DNAI3: variants seen among roughly 807,000 people sequenced by gnomAD.
DNAI3 encodes dynein axonemal intermediate chain 3, also known as WD repeat domain 63.
Under a neutral mutation model 115.5 loss-of-function variants are expected in DNAI3, and 83 were observed. That is an observed-to-expected ratio of 0.72 (90% CI 0.60 to 0.86). The LOEUF (loss-of-function observed/expected upper bound fraction) is 0.86. DNAI3 is among the 40% of genes least tolerant of loss of function. The pLI is 0.00. For missense variants in DNAI3, 1,004 were observed against 1,075.8 expected (o/e 0.93, Z 0.93); for synonymous variants, 320 against 347.0 (o/e 0.92, Z 0.86).
intron 16 of DNAI3, among the ~76,000 whole-genome samples, chr1:85,113,174 T>C (rs144809308): frequency 1.4e-3 from 207 of 152,374 alleles, no homozygotes; most frequent in African/African-American, 4.6e-3. Flanking sequence ...TCTCCTAGTC[T>C]GTGATTTGTT....
In DNAI3 at chr1:85,131,655, T is replaced by G. The variant is rs145144356; in HGVS notation, c.2533-1200T>G. Among the ~76,000 whole-genome samples, 979 of 152,232 alleles carry G rather than the reference T, an allele frequency of 6.4e-3. 9 individuals carry two copies. The highest frequency in any genetic ancestry group is 0.013 in the Admixed American group (205 of 15,282). ...CATTCCACTGCTACAAACAAATTGA[T>G]CTTAGTTTTGTTCTTTTGCACTTAA... On this transcript the variant is annotated intron_variant, in intron 22 of 22. Transcript: ENST00000294664.
intron 5 of DNAI3, among the ~76,000 whole-genome samples, chr1:85,082,911 G>A (rs367892999): frequency 3.9e-5 from 6 of 152,218 alleles, no homozygotes; most frequent in South Asian, 4.2e-4. Context: ...TCTTCTTGCC[G>A]TCTCCACAAC....
chr1:85,096,033 A>T lies in DNAI3; in HGVS notation c.1263+13A>T. On this transcript the variant is annotated intron_variant, in intron 11 of 22. Transcript: ENST00000294664. Reference sequence around the variant, plus strand: ...TATCAATGGGCAGGTACTTAACAGAATTTTTTTCAGCTATGTATTAATGTA... The same window carrying T: ...TATCAATGGGCAGGTACTTAACAGATTTTTTTTCAGCTATGTATTAATGTA... 1 of 1,612,166 alleles carries T rather than the reference A, an allele frequency of 6.2e-7. No individual in the cohort carries two copies. The highest frequency in any genetic ancestry group is 8.5e-7 in the Non-Finnish European group (1 of 1,178,670).
At chr1:85,079,912 A>C (rs1465232637) in intron 3 of DNAI3, among the ~76,000 whole-genome samples, 1 of 152,124 alleles carries the variant, frequency 6.6e-6, no homozygotes, top group African/African-American at 2.4e-5. Flanking sequence ...TTATTAATAC[A>C]ACCAACTGAG....
At chr1:85,104,136 T>G (rs1320731723) in intron 13 of DNAI3, among the ~76,000 whole-genome samples, 6,256 of 147,404 alleles carry the variant, frequency 0.042, 138 homozygotes, top group African/African-American at 0.079. Context: ...TTTTTTTTTT[T>G]TTGGGCTGGA....
intron 2 of DNAI3, among the ~76,000 whole-genome samples, chr1:85,072,797 T>C (rs1362394010): frequency 1.3e-5 from 2 of 149,740 alleles, no homozygotes; most frequent in Non-Finnish European, 3.0e-5. Flanking sequence ...CTACTAAAAA[T>C]ACAAAAAATT....
chr1:85,084,747 C>A (rs1412796568), intron 6 of DNAI3, 52 bp downstream of exon 6: 2 of 1,331,720 alleles, frequency 1.5e-6, no homozygotes, highest in African/African-American at 1.5e-5. Flanking sequence ...AGCTGAACAA[C>A]ACTTATTCCT....
intron 11 of DNAI3, among the ~76,000 whole-genome samples, chr1:85,097,083 T>G (rs1211643115): frequency 6.6e-6 from 1 of 152,146 alleles, no homozygotes; most frequent in Non-Finnish European, 1.5e-5. Flanking sequence ...TATCCTGACT[T>G]GTTTTTAAAA....
chr1:85,112,334 T>G (rs995215435), intron 16 of DNAI3, among the ~76,000 whole-genome samples: 3 of 152,248 alleles, frequency 2.0e-5, no homozygotes, highest in African/African-American at 7.2e-5. Context: ...GTTTATCCAT[T>G]CACCTGTTGA....
chr1:85,082,202 T>G, intron 4 of DNAI3, 98 bp from the exon 5 acceptor site: 1 of 924,658 alleles, frequency 1.1e-6, no homozygotes, highest in South Asian at 1.6e-5. Context: ...TTATCTTCTA[T>G]AATTGGTTGA....
chr1:85,114,232 C>T lies in DNAI3; in HGVS notation c.1787-3497C>T, dbSNP rs933371989. Among the ~76,000 whole-genome samples the T allele has an allele frequency of 2.6e-5, 4 of 152,072 alleles. No homozygotes were observed. In the East Asian group the frequency reaches 7.7e-4, roughly 29 times the overall value. On this transcript the variant is annotated intron_variant, in intron 16 of 22. Coordinates refer to ENST00000294664, the MANE Select transcript of DNAI3 (RefSeq NM_145172.5). ...TTCACCATGTTGGCCAGGCTGGTCT[C>T]GAACTCTTGACCTCAGGTAATCCAC...
intron 1 of DNAI3, among the ~76,000 whole-genome samples, chr1:85,067,048 G>A (rs986277534): frequency 1.3e-5 from 2 of 152,128 alleles, no homozygotes; most frequent in African/African-American, 4.8e-5. Context: ...AAAATAAACT[G>A]CAAAATTTTG....
chr1:85,122,200 A>G (rs190954783), intron 18 of DNAI3, among the ~76,000 whole-genome samples: 5 of 152,248 alleles, frequency 3.3e-5, no homozygotes, highest in Admixed American at 2.6e-4. Context: ...TAGTTCATCT[A>G]TGTGGAAAAT....
chr1:85,132,950 T>G lies in DNAI3; in HGVS notation c.2628T>G (p.Leu876=). Residue 876 remains leucine (L), a synonymous_variant, in exon 23 of 23, where the codon CTT becomes CTG. Transcript: ENST00000294664. ...LELEKTVLIN[L]GLIKVTEKGS... is the part of the protein sequence containing the mutation. ...TGGAAAAGACTGTTCTTATCAACCT[T>G]GGCCTAATCAAAGTCACAGAGAAGG... 6.2e-7 allele frequency: 1 copy of G among 1,613,950 alleles called. No homozygotes were observed. The highest frequency in any genetic ancestry group is 8.5e-7 in the Non-Finnish European group (1 of 1,179,916).
At chr1:85,129,681 T>C (rs767883490) in intron 21 of DNAI3, among the ~76,000 whole-genome samples, 1 of 152,192 alleles carries the variant, frequency 6.6e-6, no homozygotes, top group South Asian at 2.1e-4. Context: ...AACCCTACTT[T>C]GGAAACCTCC....
chr1:85,123,084 C>A (rs1656035144), intron 18 of DNAI3, among the ~76,000 whole-genome samples: 2 of 152,212 alleles, frequency 1.3e-5, no homozygotes, highest in Admixed American at 6.5e-5. Flanking sequence ...CTGTCATTCT[C>A]AGCATTTCAT....
Position 85,095,954 on chromosome 1 carries a change from C to T in DNAI3, c.1197C>T (p.Asp399=). 2 of 1,613,960 alleles carry T rather than the reference C, an allele frequency of 1.2e-6. No individual in the cohort carries two copies. Among genetic ancestry groups the T allele is most frequent in the South Asian group, 2.2e-5 (2 of 91,086 alleles). Reference sequence around the variant, plus strand: ...AGTTAATGCTGGAGAGCCCAGATGACATCTTCTGCTTCAAGTTCTGTCCGA... The same window carrying T: ...AGTTAATGCTGGAGAGCCCAGATGATATCTTCTGCTTCAAGTTCTGTCCGA... ...HPQLMLESPD[D]IFCFKFCPSD... The change falls in exon 11 of 23, where the codon GAC becomes GAT. Residue 399 remains aspartate (D), a synonymous_variant. Transcript: ENST00000294664.
At chr1:85,125,494 CA>C (rs1656106245) in intron 19 of DNAI3, among the ~76,000 whole-genome samples, 2 of 150,530 alleles carry the variant, frequency 1.3e-5, no homozygotes, top group East Asian at 3.9e-4. Context: ...TGGTCATCAA[CA>C]AAGAACTCTG....
intron 1 of DNAI3, among the ~76,000 whole-genome samples, chr1:85,065,649 A>T (rs1210547641): frequency 6.6e-6 from 1 of 152,136 alleles, no homozygotes; most frequent in Non-Finnish European, 1.5e-5. Context: ...TCTTGTTATC[A>T]GGCATTTGTG....
Sources: gnomAD v4.1 joint callset for allele counts (sites outside exome capture counted in the v4.1 genomes callset) on GRCh38, gnomAD v4.1.1 for gene constraint, MANE v1.5 for transcripts, NCBI Gene and HGNC (gene_info 2026-07-23, HGNC 2026-07-21) for gene names.